The following TMPRSS15 variants were observed in gnomAD, a reference collection of about 807,000 sequenced individuals.
TMPRSS15 encodes transmembrane serine protease 15.
TMPRSS15 carries 128 observed loss-of-function variants against 125.3 expected under a neutral mutation model. The ratio of observed to expected loss-of-function variants is 1.02; its 90% CI spans 0.89 to 1.18. The LOEUF is 1.18. TMPRSS15 is among the 50% of genes most tolerant of loss of function. The pLI is 0.00. For missense variants in TMPRSS15, 1,283 were observed against 1,212.7 expected (o/e 1.06, Z -0.86); for synonymous variants, 446 against 423.2 (o/e 1.05, Z -0.66).
rs542610682 is a variant in TMPRSS15, at chr21:18,469,690, A to T, written c.10+16109T>A. Among the ~76,000 whole-genome samples, 7 of 152,258 alleles carry T rather than the reference A, an allele frequency of 4.6e-5. No homozygotes were observed. In the East Asian group the frequency reaches 1.4e-3, roughly 29 times the overall value. ...TGGGGAGTTAATATAATTAAGGAGC[A>T]AAGTTATTTTGGGGATCCTCCTGTA... On this transcript the variant is annotated intron_variant, in intron 1 of 7. Transcript: ENST00000422787.
intron 22 of TMPRSS15, among the ~76,000 whole-genome samples, chr21:18,279,470 C>T (rs2074665413): frequency 6.6e-6 from 1 of 150,544 alleles, no homozygotes; most frequent in Non-Finnish European, 1.5e-5. Flanking sequence ...GGACTACAGG[C>T]GCCCGCCACC....
At chr21:18,469,447 A>T (rs1218006160) in intron 1 of TMPRSS15, among the ~76,000 whole-genome samples, 3 of 152,104 alleles carry the variant, frequency 2.0e-5, no homozygotes, top group Non-Finnish European at 2.9e-5. Flanking sequence ...TCTGTTTTTT[A>T]GGATATAAAA....
chr21:18,480,977 G>C (rs1978970069), intron 1 of TMPRSS15, among the ~76,000 whole-genome samples: 1 of 151,752 alleles, frequency 6.6e-6, no homozygotes, highest in Non-Finnish European at 1.5e-5. Context: ...TTGAGTCATT[G>C]ATAACTCCAC....
At position 18,358,969 on chromosome 21, in the gene TMPRSS15, G is replaced by A. The variant is rs147948801; in HGVS notation, c.880+788C>T. Reference sequence around the variant, plus strand: ...TATTATATAAAATTTAATCACAGGTGTCACCAACCTTATCTTAGCTCTAGA... The same window carrying A: ...TATTATATAAAATTTAATCACAGGTATCACCAACCTTATCTTAGCTCTAGA... On this transcript the variant is annotated intron_variant, in intron 8 of 24. Coordinates refer to ENST00000284885, the MANE Select transcript of TMPRSS15 (RefSeq NM_002772.3). Among the ~76,000 whole-genome samples the A allele has an allele frequency of 6.2e-3, 950 of 152,132 alleles. 14 individuals are homozygous for A. The highest frequency in any genetic ancestry group is 0.021 in the African/African-American group (889 of 41,534).
chr21:18,331,161 A>AT (rs948875594), intron 14 of TMPRSS15, among the ~76,000 whole-genome samples: 5 of 149,926 alleles, frequency 3.3e-5, no homozygotes, highest in African/African-American at 9.8e-5. Flanking sequence ...GTTGCTGTTT[A>AT]TTTTTTGGGG....
intron 23 of TMPRSS15, among the ~76,000 whole-genome samples, chr21:18,277,534 C>A (rs2074636589): frequency 6.6e-6 from 1 of 152,102 alleles, no homozygotes; most frequent in Admixed American, 6.5e-5. Context: ...AATATACAGT[C>A]TTTGACTTCA....
chr21:18,422,072 C>G (rs1487941053), intron 1 of TMPRSS15, among the ~76,000 whole-genome samples: 1 of 151,572 alleles, frequency 6.6e-6, no homozygotes, highest in Admixed American at 6.6e-5. Flanking sequence ...CAACCTCTGC[C>G]TCCCAGGTTC....
chr21:18,278,594 G>C (rs1165285838), intron 23 of TMPRSS15, among the ~76,000 whole-genome samples: 1 of 42,492 alleles, frequency 2.4e-5, no homozygotes, highest in Non-Finnish European at 4.1e-5. Context: ...GGTGGCAGGC[G>C]CCTGTGGTCC....
chr21:18,404,357 A>T (rs1180584728), upstream of TMPRSS15, among the ~76,000 whole-genome samples: 2 of 152,204 alleles, frequency 1.3e-5, no homozygotes, highest in African/African-American at 4.8e-5. Flanking sequence ...AGTACCTGTC[A>T]TAAGAGGAAT....
At chr21:18,396,660 G>C (rs2076040113) in intron 3 of TMPRSS15, among the ~76,000 whole-genome samples, 1 of 151,486 alleles carries the variant, frequency 6.6e-6, no homozygotes, top group Non-Finnish European at 1.5e-5. Context: ...TGTAGTCTCA[G>C]CTACTCGGGA....
intron 1 of TMPRSS15, among the ~76,000 whole-genome samples, chr21:18,416,427 G>C (rs932481557): frequency 2.6e-5 from 4 of 151,984 alleles, no homozygotes; most frequent in African/African-American, 9.7e-5. Context: ...GAATATCCTA[G>C]AGCAAAATTC....
At chr21:18,300,274 T>C (rs562494177) in intron 18 of TMPRSS15, among the ~76,000 whole-genome samples, 2 of 148,240 alleles carry the variant, frequency 1.3e-5, no homozygotes, top group South Asian at 4.3e-4. Flanking sequence ...TCTTTCTCTC[T>C]TCTTTCTCTC....
At chr21:18,296,728 C>G (rs80163768) in intron 19 of TMPRSS15, among the ~76,000 whole-genome samples, 1 of 152,120 alleles carries the variant, frequency 6.6e-6, no homozygotes, top group East Asian at 1.9e-4. Context: ...TTTAGACACG[C>G]CTTACAGGAA....
intron 3 of TMPRSS15, among the ~76,000 whole-genome samples, chr21:18,390,229 C>T (rs1469236498): frequency 1.3e-5 from 2 of 152,138 alleles, no homozygotes; most frequent in Admixed American, 6.6e-5. Flanking sequence ...CATGCCTGTG[C>T]TTTTGGAGAA....
Position 18,275,303 on chromosome 21 carries a change from A to G in TMPRSS15, c.2798T>C (p.Val933Ala). 1 of 1,614,070 alleles carries G rather than the reference A, an allele frequency of 6.2e-7. No homozygotes were observed. Among genetic ancestry groups the G allele is most frequent in the Non-Finnish European group, 8.5e-7 (1 of 1,179,982 alleles). The change falls in exon 24 of 25, where the codon GTT becomes GCT. Residue 933 changes from valine to alanine, a missense_variant. Physicochemically the swap from Val to Ala is moderately conservative, Grantham distance 64. Coordinates refer to ENST00000284885, the MANE Select transcript of TMPRSS15 (RefSeq NM_002772.3). ...TTANILQEAD[V>A]PLLSNERCQQ... ...GCATCTCTCATTTGATAGAAGAGGA[A>G]CATCAGCTTCTTGCAATATGTTTGC... is the stretch of plus-strand genomic sequence containing the variant.
At chr21:18,365,066 C>A in intron 7 of TMPRSS15, 74 bp downstream of exon 7, 5 of 1,234,474 alleles carry the variant, frequency 4.1e-6, no homozygotes, top group Non-Finnish European at 6.0e-6. Flanking sequence ...TAAAAAACTA[C>A]TGAAAGCAAT....
At chr21:18,383,505 A>G (rs1211522232) in intron 4 of TMPRSS15, 122 bp downstream of exon 4, 1 of 1,128,758 alleles carries the variant, frequency 8.9e-7, no homozygotes, top group African/African-American at 1.6e-5. Context: ...TAAATGTGTC[A>G]CCTCAGGCAA....
intron 1 of TMPRSS15, among the ~76,000 whole-genome samples, chr21:18,437,661 C>T (rs1273694585): frequency 7.9e-5 from 12 of 152,164 alleles, no homozygotes; most frequent in Non-Finnish European, 1.6e-4. Context: ...AAAAAGTGGG[C>T]AAAGGATATG....
chr21:18,274,741 T>G (rs2074599434), intron 24 of TMPRSS15, among the ~76,000 whole-genome samples: 1 of 152,242 alleles, frequency 6.6e-6, no homozygotes, highest in Non-Finnish European at 1.5e-5. Context: ...TTCAGGTTAC[T>G]GCACGCCTGG....
Sources: allele counts gnomAD v4.1 joint callset (sites outside exome capture counted in the v4.1 genomes callset), GRCh38; gene constraint gnomAD v4.1.1; transcripts MANE v1.5; gene names NCBI Gene and HGNC (gene_info 2026-07-23, HGNC 2026-07-21).